Variants in SYPL1 observed in about 807,000 individuals in gnomAD.
SYPL1 encodes the protein synaptophysin-like protein 1.
A neutral mutation model predicts 23.7 loss-of-function variants in SYPL1; 6 were observed. The observed-to-expected ratio is 0.25, with a 90% CI of 0.14 to 0.50. SYPL1 has a LOEUF of 0.50. Among genes scored for constraint, SYPL1 ranks in the 20% least tolerant of loss-of-function variants. SYPL1 has a pLI of 0.98. For missense variants in SYPL1, 253 were observed against 288.9 expected (o/e 0.88, Z 0.90); for synonymous variants, 102 against 104.5 (o/e 0.98, Z 0.15).
rs1840072245 is a variant in SYPL1, at chr7:106,097,473, A to T, written c.402+217T>A. 6.6e-6 allele frequency among the ~76,000 whole-genome samples: 1 copy of T among 152,182 alleles called. No individual in the cohort carries two copies. The highest frequency in any genetic ancestry group is 6.5e-5 in the Admixed American group (1 of 15,278). On this transcript the variant is annotated intron_variant, in intron 3 of 4. Coordinates refer to ENST00000455385, the MANE Select transcript of SYPL1 (RefSeq NM_182715.4). The surrounding 1 kb of genome is among the most constrained non-coding windows in gnomAD (Gnocchi z 4.6). ...TACATATCTGAGTTTTTTCCAAGTT[A>T]AAATAGATTTAAAAAAGAAATAAAC... is the stretch of plus-strand genomic sequence containing the variant.
intron 1 of SYPL1, among the ~76,000 whole-genome samples, chr7:106,110,197 G>A (rs564274500): frequency 2.0e-5 from 3 of 152,136 alleles, no homozygotes; most frequent in African/African-American, 2.4e-5. Flanking sequence ...ATCTCAAACC[G>A]TACCCTCCAA....
In SYPL1 at chr7:106,097,668, A is replaced by T. The variant is rs747336677; in HGVS notation, c.402+22T>A. On this transcript the variant is annotated intron_variant, in intron 3 of 4. Transcript: ENST00000455385. This position sits in a 1 kb window ranked among gnomAD's most constrained non-coding sequence, Gnocchi z 4.6. Reference sequence around the variant, plus strand: ...GCTTATACAAATTATTTTTGTATTTAAAAAATAAAGTGATTACTTACTATC... The same window carrying T: ...GCTTATACAAATTATTTTTGTATTTTAAAAATAAAGTGATTACTTACTATC... 1 of 1,559,750 alleles carries T rather than the reference A, an allele frequency of 6.4e-7. No individual in the cohort carries two copies. Among genetic ancestry groups the T allele is most frequent in the Non-Finnish European group, 8.7e-7 (1 of 1,149,776 alleles).
chr7:106,094,467 T>C (rs895374608), intron 3 of SYPL1, among the ~76,000 whole-genome samples: 1 of 152,172 alleles, frequency 6.6e-6, no homozygotes, highest in Non-Finnish European at 1.5e-5. Flanking sequence ...TACATGCATT[T>C]TGTATCTGAG....
At chr7:106,103,906 C>G (rs1840452819) in intron 1 of SYPL1, among the ~76,000 whole-genome samples, 1 of 152,092 alleles carries the variant, frequency 6.6e-6, no homozygotes, top group Non-Finnish European at 1.5e-5. Flanking sequence ...CTAAATTAAA[C>G]AAAAAATGCT....
At chr7:106,102,688 A>G (rs1440598826) in intron 1 of SYPL1, among the ~76,000 whole-genome samples, 1 of 152,204 alleles carries the variant, frequency 6.6e-6, no homozygotes, top group Non-Finnish European at 1.5e-5. Flanking sequence ...CTGCTCCCAG[A>G]TTCCTGACCC....
rs1376888065 is a variant in SYPL1, at chr7:106,097,673, A to G, written c.402+17T>C. The G allele has an allele frequency of 1.3e-6, 2 of 1,577,262 alleles. No individual in the cohort carries two copies. Among genetic ancestry groups the G allele is most frequent in the Non-Finnish European group, 8.6e-7 (1 of 1,161,792 alleles). ...TACAAATTATTTTTGTATTTAAAAA[A>G]TAAAGTGATTACTTACTATCATAGG... On this transcript the variant is annotated intron_variant, in intron 3 of 4. Coordinates refer to ENST00000455385, the MANE Select transcript of SYPL1 (RefSeq NM_182715.4). This position sits in a 1 kb window ranked among gnomAD's most constrained non-coding sequence, Gnocchi z 4.6.
At chr7:106,098,080 T>C (rs1840120607) in intron 2 of SYPL1, among the ~76,000 whole-genome samples, 183 bp from the exon 3 acceptor site, 1 of 152,226 alleles carries the variant, frequency 6.6e-6, no homozygotes, top group Admixed American at 6.5e-5. Context: ...AATGTATATG[T>C]TATACCTGGT....
intron 1 of SYPL1, among the ~76,000 whole-genome samples, chr7:106,105,467 A>T (rs571396557): frequency 6.7e-6 from 1 of 149,412 alleles, no homozygotes; most frequent in African/African-American, 2.5e-5. Flanking sequence ...TACAGCCCCA[A>T]GTATCCAGAG....
At chr7:106,099,119 A>G (rs1326399033) in intron 2 of SYPL1, 39 bp downstream of exon 2, 1 of 1,580,596 alleles carries the variant, frequency 6.3e-7, no homozygotes, top group African/African-American at 1.4e-5. Context: ...CTGTGAAAGT[A>G]AAAAGAGTTG....
intron 4 of SYPL1, chr7:106,092,667 C>T: frequency 5.6e-6 from 2 of 359,720 alleles, no homozygotes; most frequent in Non-Finnish European, 1.0e-5. Flanking sequence ...AGCGAAACTC[C>T]ATCTCAAAAA....
intron 1 of SYPL1, among the ~76,000 whole-genome samples, chr7:106,110,955 GTTTTCTT>G (rs1256968642): frequency 6.6e-6 from 1 of 151,982 alleles, no homozygotes; most frequent in Non-Finnish European, 1.5e-5. Flanking sequence ...TTTAATCATG[GTTTTCTT>G]TATACTTAAA....
intron 1 of SYPL1, 31 bp from the exon 2 acceptor site, chr7:106,099,313 GAA>G: frequency 1.3e-6 from 2 of 1,577,218 alleles, no homozygotes; most frequent in Non-Finnish European, 1.7e-6. Flanking sequence ...AAAGACAAAA[GAA>G]AAAAAAGATA....
At chr7:106,099,638 C>T (rs1840213080) in intron 1 of SYPL1, among the ~76,000 whole-genome samples, 1 of 152,132 alleles carries the variant, frequency 6.6e-6, no homozygotes, top group Non-Finnish European at 1.5e-5. Flanking sequence ...AAGCAATCCT[C>T]CCATCTTGGC....
chr7:106,091,752 G>T lies in SYPL1; in HGVS notation c.*53C>A. 6.5e-7 allele frequency: 1 copy of T among 1,541,758 alleles called. No homozygotes were observed. Among genetic ancestry groups the T allele is most frequent in the Non-Finnish European group, 8.7e-7 (1 of 1,144,080 alleles). On this transcript the variant is annotated 3_prime_UTR_variant, in exon 5 of 5. Transcript: ENST00000455385. This position sits in a 1 kb window ranked among gnomAD's most constrained non-coding sequence, Gnocchi z 5.0. ...ACAAATAATGCTTCTCAAGGTGTTG[G>T]CAACATGTCATAGTATCAACATATA...
chr7:106,091,989 T>C lies in SYPL1; in HGVS notation c.592-50A>G. ...AAAATCAAATACCTACTTATAAAAA[T>C]TCATGCCCTACTTAAAAATCTCACT... On this transcript the variant is annotated intron_variant, in intron 4 of 4. Coordinates refer to ENST00000455385, the MANE Select transcript of SYPL1 (RefSeq NM_182715.4). This position sits in a 1 kb window ranked among gnomAD's most constrained non-coding sequence, Gnocchi z 5.0. 1 of 1,534,624 alleles carries C rather than the reference T, an allele frequency of 6.5e-7. No individual in the cohort carries two copies. The highest frequency in any genetic ancestry group is 8.8e-7 in the Non-Finnish European group (1 of 1,139,160).
Position 106,097,525 on chromosome 7 carries a change from A to C in SYPL1, c.402+165T>G, listed in dbSNP as rs929805689. On this transcript the variant is annotated intron_variant, in intron 3 of 4. Transcript: ENST00000455385. This position sits in a 1 kb window ranked among gnomAD's most constrained non-coding sequence, Gnocchi z 4.6. Reference sequence around the variant, plus strand: ...TTCCTTATAGTGCAAATAGGCTAAAAAAAATTGAGTTAAACTTAATGGGAG... The same window carrying C: ...TTCCTTATAGTGCAAATAGGCTAAACAAAATTGAGTTAAACTTAATGGGAG... 6.6e-5 allele frequency among the ~76,000 whole-genome samples: 10 copies of C among 152,232 alleles called. No individual in the cohort carries two copies. The highest frequency in any genetic ancestry group is 1.5e-4 in the Non-Finnish European group (10 of 68,032).
Position 106,091,942 on chromosome 7 carries a change from A to G in SYPL1, c.592-3T>C, listed in dbSNP as rs1443399161. The G allele has an allele frequency of 6.3e-7, 1 of 1,593,856 alleles. No homozygotes were observed. Among genetic ancestry groups the G allele is most frequent in the African/African-American group, 1.4e-5 (1 of 73,844 alleles). On this transcript the variant is annotated splice_polypyrimidine_tract_variant and splice_region_variant and intron_variant, in intron 4 of 4. Transcript: ENST00000455385. This position sits in a 1 kb window ranked among gnomAD's most constrained non-coding sequence, Gnocchi z 5.0. ...ATCATATTTAGAAAGCCAAATATCTATGAAAGAGAAAAAGAAATATGAAAA... is the reference window on the plus strand; with the variant it reads ...ATCATATTTAGAAAGCCAAATATCTGTGAAAGAGAAAAAGAAATATGAAAA...
chr7:106,098,392 G>C (rs942783201), intron 2 of SYPL1, among the ~76,000 whole-genome samples: 1 of 152,164 alleles, frequency 6.6e-6, no homozygotes, highest in African/African-American at 2.4e-5. Context: ...CCTTATGTGA[G>C]AAGTGTCTAG....
intron 3 of SYPL1, 63 bp from the exon 4 acceptor site, chr7:106,093,200 C>A: frequency 7.2e-7 from 1 of 1,397,846 alleles, no homozygotes; most frequent in Non-Finnish European, 9.5e-7. Flanking sequence ...ATTTCAAATC[C>A]ATGATGAAGA....
Sources: gnomAD v4.1 joint callset for allele counts (sites outside exome capture counted in the v4.1 genomes callset) on GRCh38, gnomAD v4.1.1 for gene constraint, Gnocchi (gnomAD v3.1) non-coding constraint, MANE v1.5 for transcripts, NCBI Gene and HGNC (gene_info 2026-07-23, HGNC 2026-07-21) for gene names.